ZDHHC4: variants seen among roughly 807,000 people sequenced by gnomAD.
The protein encoded by ZDHHC4 is zDHHC palmitoyltransferase 4.
A neutral mutation model predicts 36.7 loss-of-function variants in ZDHHC4; 42 were observed. The ratio of observed to expected loss-of-function variants is 1.14; its 90% confidence interval spans 0.89 to 1.48. The LOEUF (loss-of-function observed/expected upper bound fraction) is 1.48, where lower values mean the gene tolerates loss of function less well. ZDHHC4 is among the 40% of genes most tolerant of loss of function. The pLI, the probability that ZDHHC4 is intolerant of heterozygous loss-of-function variation, is 0.00. For synonymous variants in ZDHHC4, 189 were observed against 166.6 expected (o/e 1.13, Z -1.03); for missense variants, 457 against 421.5 (o/e 1.08, Z -0.74).
chr7:6,588,004 T>A (rs181087387), intron 7 of ZDHHC4, among the ~76,000 whole-genome samples: 6 of 152,314 alleles, frequency 3.9e-5, no homozygotes, highest in Non-Finnish European at 7.3e-5. Context: ...TAGCTGGGAT[T>A]ACAGGCTTGT....
Position 6,578,132 on chromosome 7 carries a change from T to A in ZDHHC4, c.-162-434T>A, listed in dbSNP as rs1780569541. ...GGCGTGAGCCACCGCGCCCGGCCTCTTTTATTGTTTTTAGAGATGGGGTCC... is the reference window on the plus strand; with the variant it reads ...GGCGTGAGCCACCGCGCCCGGCCTCATTTATTGTTTTTAGAGATGGGGTCC... On this transcript the variant is annotated intron_variant, in intron 1 of 7. Transcript: ENST00000335965. 5.3e-5 allele frequency among the ~76,000 whole-genome samples: 8 copies of A among 152,032 alleles called. No individual in the cohort carries two copies. In the South Asian group the frequency reaches 1.7e-3, roughly 32 times the overall value.
chr7:6,584,838 T>A, intron 6 of ZDHHC4, 178 bp from the exon 7 acceptor site: 2 of 827,612 alleles, frequency 2.4e-6, no homozygotes, highest in Non-Finnish European at 3.7e-6. Context: ...ATACCCACAT[T>A]TGGCTGGTTG....
rs769599015 is a variant in ZDHHC4 at position 6,580,538 on chromosome 7, T to C, written c.-7-17T>C. ...CTTTCAGTAGCAGATAGTCACACTC[T>C]TTCTGTTCCTTTGTAGCTGCAGGAT... On this transcript the variant is annotated splice_polypyrimidine_tract_variant and intron_variant, in intron 2 of 7. Transcript: ENST00000335965. The C allele has an allele frequency of 1.2e-6, 2 of 1,605,002 alleles. No individual in the cohort carries two copies. Among genetic ancestry groups the C allele is most frequent in the South Asian group, 1.1e-5 (1 of 90,912 alleles).
chr7:6,577,668 C>G (rs1780524144), intron 1 of ZDHHC4, 170 bp downstream of exon 1: 1 of 152,270 alleles, frequency 6.6e-6, no homozygotes, highest in African/African-American at 2.4e-5. Flanking sequence ...CTCCACGTCC[C>G]CCTACCAGGG....
chr7:6,585,252 C>T lies in ZDHHC4; in HGVS notation c.733C>T (p.Leu245Phe). 1.2e-6 allele frequency: 2 copies of T among 1,612,938 alleles called. No individual in the cohort carries two copies. Among genetic ancestry groups the T allele is most frequent in the Non-Finnish European group, 1.7e-6 (2 of 1,179,062 alleles). Residue 245 changes from leucine (L) to phenylalanine (F), a missense_variant, in exon 7 of 8, where the codon CTT becomes TTT. Coordinates refer to ENST00000335965, the MANE Select transcript of ZDHHC4 (RefSeq NM_001134389.2). ...GHLHVMDTVFLIQYLFLTFPR... is the reference protein window; with the variant it reads ...GHLHVMDTVFFIQYLFLTFPR... ...CCTCCATGTTATGGACACGGTCTTT[C>T]TTATTCAGGTAATTATGCTGTAGGT...
intron 5 of ZDHHC4, 149 bp from the exon 6 acceptor site, chr7:6,583,157 A>G (rs1780980228): frequency 3.5e-6 from 3 of 867,900 alleles, no homozygotes; most frequent in African/African-American, 3.5e-5. Context: ...TCCAGCCTGG[A>G]TGACAAAGTA....
chr7:6,585,364 C>G, intron 7 of ZDHHC4, 104 bp downstream of exon 7: 1 of 1,475,820 alleles, frequency 6.8e-7, no homozygotes, highest in Non-Finnish European at 9.0e-7. Context: ...TGGCTCACGC[C>G]TATAATCCCA....
Position 6,588,619 on chromosome 7 carries a change from C to G in ZDHHC4, c.744C>G (p.Tyr248Ter). ...HVMDTVFLIQ[Y>*]LFLTFPRIVF... Reference sequence around the variant, plus strand: ...CACTACCTTTTCTCTGCTCCTAGTACCTGTTCCTGACTTTTCCACGGATTG... The same window carrying G: ...CACTACCTTTTCTCTGCTCCTAGTAGCTGTTCCTGACTTTTCCACGGATTG... The change falls in exon 8 of 8, where the codon TAC (tyrosine) becomes TAG (stop). Residue 248 changes from tyrosine (Y) to a stop codon, truncating the protein, a stop_gained and splice_region_variant. Transcript: ENST00000335965. LOFTEE classifies it high-confidence loss of function. 6.2e-7 allele frequency: 1 copy of G among 1,614,024 alleles called. No homozygotes were observed. Among genetic ancestry groups the G allele is most frequent in the Non-Finnish European group, 8.5e-7 (1 of 1,179,970 alleles).
At chr7:6,579,050 C>G (rs906832199) in intron 2 of ZDHHC4, among the ~76,000 whole-genome samples, 1 of 152,096 alleles carries the variant, frequency 6.6e-6, no homozygotes, top group African/African-American at 2.4e-5. Context: ...TCTTGAACTC[C>G]TGGGTTCAAG....
chr7:6,582,046 G>A (rs764918347), intron 4 of ZDHHC4, 27 bp from the exon 5 acceptor site: 9 of 1,599,556 alleles, frequency 5.6e-6, no homozygotes, highest in Non-Finnish European at 7.7e-6. Context: ...AAACCCCCAT[G>A]AACAAGCCAT....
chr7:6,586,578 C>G (rs1269942727), intron 7 of ZDHHC4, among the ~76,000 whole-genome samples: 2 of 152,132 alleles, frequency 1.3e-5, no homozygotes, highest in African/African-American at 4.8e-5. Context: ...CAGGTTCAAG[C>G]AATTCTCCTG....
intron 4 of ZDHHC4, 55 bp from the exon 5 acceptor site, chr7:6,582,018 T>C (rs945211127): frequency 4.5e-6 from 7 of 1,562,744 alleles, no homozygotes; most frequent in African/African-American, 1.4e-5. Context: ...TTTAGTATCA[T>C]ACAATTTCTT....
intron 6 of ZDHHC4, 22 bp downstream of exon 6, chr7:6,583,453 C>G (rs554927612): frequency 1.3e-6 from 2 of 1,594,006 alleles, no homozygotes; most frequent in Admixed American, 1.8e-5. Flanking sequence ...TCTCGTGACT[C>G]CAGCGGCACC....
chr7:6,580,919 A>G (rs1780801666), intron 3 of ZDHHC4: 1 of 499,480 alleles, frequency 2.0e-6, no homozygotes, highest in South Asian at 2.7e-5. Context: ...CTGTCTCAAC[A>G]ACAACAAAAA....
At chr7:6,586,156 C>T (rs1781231069) in intron 7 of ZDHHC4, among the ~76,000 whole-genome samples, 1 of 150,470 alleles carries the variant, frequency 6.6e-6, no homozygotes, top group African/African-American at 2.4e-5. Flanking sequence ...AGAGAAACTC[C>T]ATCTCAAAAA....
Position 6,585,216 on chromosome 7 carries a change from G to C in ZDHHC4, c.697G>C (p.Asp233His). 2 of 1,614,154 alleles carry C rather than the reference G, an allele frequency of 1.2e-6. No homozygotes were observed. Among genetic ancestry groups the C allele is most frequent in the Non-Finnish European group, 1.7e-6 (2 of 1,180,026 alleles). ...SDLYQETYID[D>H]LGHLHVMDTV... is the part of the protein sequence containing the mutation. ...TTTATACCAGGAGACTTACATCGATGACCTTGGACACCTCCATGTTATGGA... is the reference window on the plus strand; with the variant it reads ...TTTATACCAGGAGACTTACATCGATCACCTTGGACACCTCCATGTTATGGA... The change falls in exon 7 of 8, where the codon GAC (aspartate) becomes CAC (histidine). Residue 233 changes from aspartate to histidine, a missense_variant. Coordinates refer to ENST00000335965, the MANE Select transcript of ZDHHC4 (RefSeq NM_001134389.2).
At chr7:6,585,361 C>G in intron 7 of ZDHHC4, 101 bp downstream of exon 7, 1 of 1,479,476 alleles carries the variant, frequency 6.8e-7, no homozygotes, top group Non-Finnish European at 9.0e-7. Context: ...TGGTGGCTCA[C>G]GCCTATAATC....
intron 6 of ZDHHC4, among the ~76,000 whole-genome samples, chr7:6,584,563 C>A (rs141406220): frequency 6.6e-6 from 1 of 152,162 alleles, no homozygotes; most frequent in Non-Finnish European, 1.5e-5. Context: ...CATATTCACA[C>A]TGAATTCAAA....
Position 6,589,110 on chromosome 7 carries a change from C to T in ZDHHC4, c.*200C>T. On this transcript the variant is annotated 3_prime_UTR_variant, in exon 8 of 8. Transcript: ENST00000335965. ...TTTTGAAACCGGGCATCTCTGAAGT[C>T]CTGGTGTCAAGGGGATCAAGAGATG... is the stretch of plus-strand genomic sequence containing the variant. 3.2e-6 allele frequency: 2 copies of T among 621,172 alleles called. No homozygotes were observed. The highest frequency in any genetic ancestry group is 5.9e-5 in the East Asian group (2 of 33,994). The allele number at this position is 621,172 out of a possible 1,614,324, so 38.5% of individuals were successfully genotyped here.
Sources: allele counts gnomAD v4.1 joint callset (sites outside exome capture counted in the v4.1 genomes callset), GRCh38; gene constraint gnomAD v4.1.1; transcripts MANE v1.5; gene names NCBI Gene and HGNC (gene_info 2026-07-23, HGNC 2026-07-21).